The following GALNT9 variants were observed in gnomAD, a reference collection of about 807,000 sequenced individuals.
GALNT9 encodes the protein GalNAc transferase 9.
Under a neutral mutation model 63.1 loss-of-function variants are expected in GALNT9, and 47 were observed. The observed-to-expected ratio is 0.75, with a 90% CI of 0.59 to 0.95. The LOEUF is 0.95. GALNT9 is among the 40% of genes least tolerant of loss of function. The pLI, the probability that GALNT9 is intolerant of heterozygous loss-of-function variation, is 0.00. For missense variants in GALNT9, 829 were observed against 874.8 expected (o/e 0.95, Z 0.66); for synonymous variants, 396 against 365.7 (o/e 1.08, Z -0.94).
intron 1 of GALNT9, among the ~76,000 whole-genome samples, chr12:132,288,095 A>T (rs1480139996): frequency 6.6e-6 from 1 of 152,038 alleles, no homozygotes; most frequent in African/African-American, 2.4e-5. Flanking sequence ...CTGGGAGGGG[A>T]CCTTCTCTCG....
chr12:132,285,105 C>T (rs556903588), intron 2 of GALNT9, among the ~76,000 whole-genome samples: 24 of 152,342 alleles, frequency 1.6e-4, no homozygotes, highest in Admixed American at 1.3e-4. Flanking sequence ...GGTTCCCTGG[C>T]GGGTGGGGCA....
chr12:132,267,303 A>T (rs1463729184), intron 2 of GALNT9, among the ~76,000 whole-genome samples: 3 of 152,158 alleles, frequency 2.0e-5, no homozygotes, highest in African/African-American at 7.2e-5. Flanking sequence ...AGCAGGGGCC[A>T]CTGGAGCAGG....
At chr12:132,226,830 CCACA>C (rs1370443069) in intron 6 of GALNT9, among the ~76,000 whole-genome samples, 1 of 148,900 alleles carries the variant, frequency 6.7e-6, no homozygotes, top group East Asian at 2.0e-4. Flanking sequence ...TAAACACACC[CCACA>C]CACACCATAT....
At chr12:132,281,044 G>C (rs563144517) in intron 2 of GALNT9, 1 of 152,938 alleles carries the variant, frequency 6.5e-6, no homozygotes, top group Non-Finnish European at 1.5e-5. Flanking sequence ...GCAGCCAGCC[G>C]CCTGCAGCCA....
At chr12:132,203,045 T>G (rs1593464395) in intron 7 of GALNT9, among the ~76,000 whole-genome samples, 1 of 151,722 alleles carries the variant, frequency 6.6e-6, no homozygotes, top group South Asian at 2.1e-4. Flanking sequence ...CTGGAAAAGG[T>G]GGCGCTGAGG....
Position 132,245,913 on chromosome 12 carries a change from C to A in GALNT9, c.1077+1997G>T, listed in dbSNP as rs568823764. Among the ~76,000 whole-genome samples the A allele has an allele frequency of 6.6e-6, 1 of 152,320 alleles. No homozygotes were observed. The highest frequency in any genetic ancestry group is 2.1e-4 in the South Asian group (1 of 4,822). ...CCACATCTGCTGGGTGCCCTCCACC[C>A]CAGGGGTCCCGTCCTCCCTCGCTCT... is the stretch of plus-strand genomic sequence containing the variant. On this transcript the variant is annotated intron_variant, in intron 6 of 10. Transcript: ENST00000328957. The surrounding 1 kb of genome is among the most constrained non-coding windows in gnomAD (Gnocchi z 6.3).
Position 132,252,059 on chromosome 12 carries a change from G to A in GALNT9, c.960-4032C>T, listed in dbSNP as rs1053333987. Among the ~76,000 whole-genome samples the A allele has an allele frequency of 8.5e-5, 13 of 152,224 alleles. No homozygotes were observed. Among genetic ancestry groups the A allele is most frequent in the Admixed American group, 6.5e-5 (1 of 15,284 alleles). On this transcript the variant is annotated intron_variant, in intron 5 of 10. Coordinates refer to ENST00000328957, the MANE Select transcript of GALNT9 (RefSeq NM_001122636.2). The surrounding 1 kb of genome is among the most constrained non-coding windows in gnomAD (Gnocchi z 5.2). The stretch of plus-strand genomic sequence containing the variant: ...CCCAGGAATCCTCCGTGATGAGGAT[G>A]GTCCCCAGCGTCTGTCTGGGAGAAA...
chr12:132,298,643 G>A (rs1015013562), intron 1 of GALNT9, among the ~76,000 whole-genome samples: 1 of 149,210 alleles, frequency 6.7e-6, no homozygotes, highest in Non-Finnish European at 1.5e-5. Flanking sequence ...CCACTCCTGA[G>A]ATAACTCACT....
chr12:132,220,249 C>T (rs533254179), intron 6 of GALNT9, among the ~76,000 whole-genome samples: 1 of 152,174 alleles, frequency 6.6e-6, no homozygotes, highest in African/African-American at 2.4e-5. Context: ...ACAGCAATAC[C>T]CTGATAAATA....
At chr12:132,306,290 C>T (rs1210738949) in intron 1 of GALNT9, among the ~76,000 whole-genome samples, 1 of 152,256 alleles carries the variant, frequency 6.6e-6, no homozygotes, top group Non-Finnish European at 1.5e-5. Flanking sequence ...GGACGCCGGA[C>T]GGTCTAAACC....
chr12:132,303,086 T>TCC (rs1491072372), intron 1 of GALNT9, among the ~76,000 whole-genome samples: 36 of 146,576 alleles, frequency 2.5e-4, no homozygotes, highest in African/African-American at 8.4e-4. Context: ...TGTCTCTCTC[T>TCC]CGGGAAAGCC....
At chr12:132,211,266 A>C (rs1876946543) in intron 6 of GALNT9, among the ~76,000 whole-genome samples, 3 of 152,234 alleles carry the variant, frequency 2.0e-5, no homozygotes, top group Admixed American at 1.3e-4. Context: ...GAGTTTGTCA[A>C]ATCCTGAAGC....
intron 2 of GALNT9, among the ~76,000 whole-genome samples, chr12:132,285,494 C>T (rs1290929188): frequency 6.6e-6 from 1 of 152,278 alleles, no homozygotes; most frequent in Non-Finnish European, 1.5e-5. Flanking sequence ...TCCTGAGTGG[C>T]ACTGAGGCAA....
intron 1 of GALNT9, among the ~76,000 whole-genome samples, chr12:132,313,803 C>A (rs1359463066): frequency 1.6e-5 from 2 of 125,682 alleles, no homozygotes; most frequent in Non-Finnish European, 3.3e-5. Flanking sequence ...TCCACCCACC[C>A]ATCCACCCAT....
rs947682016 is a variant in GALNT9, at chr12:132,252,491, C to T, written c.960-4464G>A. ...TACAGGGCTTAGCGGGTGTTCTCCC[C>T]GTGTGCAGAGACAAGAGATTGTCAG... On this transcript the variant is annotated intron_variant, in intron 5 of 10. Coordinates refer to ENST00000328957, the MANE Select transcript of GALNT9 (RefSeq NM_001122636.2). The surrounding 1 kb of genome is among the most constrained non-coding windows in gnomAD (Gnocchi z 5.2). Among the ~76,000 whole-genome samples, 11 of 152,160 alleles carry T rather than the reference C, an allele frequency of 7.2e-5. No homozygotes were observed. The highest frequency in any genetic ancestry group is 1.2e-4 in the Non-Finnish European group (8 of 68,034).
chr12:132,305,539 A>G lies in GALNT9; in HGVS notation c.239-19109T>C, dbSNP rs1452199996. Among the ~76,000 whole-genome samples, 101 of 117,442 alleles carry G rather than the reference A, an allele frequency of 8.6e-4. 4 individuals carry two copies. Among genetic ancestry groups the G allele is most frequent in the African/African-American group, 3.1e-3 (92 of 29,648 alleles). The allele number at this position is 117,442 out of a possible 152,430, so 77.0% of individuals were successfully genotyped here. A position where few individuals can be genotyped will look rare whatever the true frequency, so the allele number is the denominator to read the frequency against. Reference sequence around the variant, plus strand: ...CACAGCCTCACCCGGGCACACCCTCACCCGGGCACACCCTCACCGGGGCAC... The same window carrying G: ...CACAGCCTCACCCGGGCACACCCTCGCCCGGGCACACCCTCACCGGGGCAC... On this transcript the variant is annotated intron_variant, in intron 1 of 10. Coordinates refer to ENST00000328957, the MANE Select transcript of GALNT9 (RefSeq NM_001122636.2).
At chr12:132,299,162 C>T (rs1881194468) in intron 1 of GALNT9, among the ~76,000 whole-genome samples, 1 of 105,062 alleles carries the variant, frequency 9.5e-6, no homozygotes, top group South Asian at 3.4e-4. Flanking sequence ...CCCCAACACA[C>T]CTAACCCACC....
intron 4 of GALNT9, among the ~76,000 whole-genome samples, chr12:132,259,484 C>T (rs530572777): frequency 1.3e-5 from 2 of 152,228 alleles, no homozygotes; most frequent in Non-Finnish European, 2.9e-5. Context: ...TGCGGAGGAG[C>T]GAGGAAGGGG....
chr12:132,286,240 A>G lies in GALNT9; in HGVS notation c.419+10T>C. The G allele has an allele frequency of 6.5e-7, 1 of 1,544,914 alleles. No individual in the cohort carries two copies. Among genetic ancestry groups the G allele is most frequent in the Non-Finnish European group, 8.7e-7 (1 of 1,142,972 alleles). ...GGGCGTCGGGGGATGGGGGGCAGTC[A>G]CTCACTCACTTTCTGGGCCGGTAGT... On this transcript the variant is annotated intron_variant, in intron 2 of 10. Coordinates refer to ENST00000328957, the MANE Select transcript of GALNT9 (RefSeq NM_001122636.2). This position sits in a 1 kb window ranked among gnomAD's most constrained non-coding sequence, Gnocchi z 7.4.
Sources: allele counts gnomAD v4.1 joint callset (sites outside exome capture counted in the v4.1 genomes callset), GRCh38; gene constraint gnomAD v4.1.1; non-coding constraint Gnocchi (gnomAD v3.1); transcripts MANE v1.5; gene names NCBI Gene and HGNC (gene_info 2026-07-23, HGNC 2026-07-21).